Variants in CREG2 observed in about 807,000 individuals in gnomAD.
CREG2 encodes the protein protein CREG2.
Under a neutral mutation model 26.2 loss-of-function variants are expected in CREG2, and 24 were observed. That is an observed-to-expected ratio of 0.92 (90% CI 0.66 to 1.29). CREG2 has a LOEUF of 1.29. Ranked by LOEUF, CREG2 falls within the 50% of genes most tolerant of loss-of-function variation. The probability of loss-of-function intolerance (pLI) is 0.00; values close to 1 mark genes in which losing one functional copy is unlikely to be tolerated. For synonymous variants in CREG2, 174 were observed against 169.2 expected, an observed-to-expected ratio of 1.03 and a Z score of -0.22; for missense variants, 366 against 398.6, an observed-to-expected ratio of 0.92 and a Z score of 0.70.
intron 2 of CREG2, among the ~76,000 whole-genome samples, chr2:101,362,008 G>A (rs1423513244): frequency 6.6e-6 from 1 of 152,170 alleles, no homozygotes; most frequent in East Asian, 1.9e-4. Flanking sequence ...AGGAACCCTA[G>A]TCCATCCCCA....
chr2:101,378,477 A>G (rs1684822607), intron 2 of CREG2, among the ~76,000 whole-genome samples: 1 of 152,016 alleles, frequency 6.6e-6, no homozygotes, highest in Admixed American at 6.6e-5. Flanking sequence ...GTTGGAAGTC[A>G]CTCTTCTACT....
Position 101,348,372 on chromosome 2 carries a change from A to G in CREG2, c.*2551T>C, listed in dbSNP as rs1006411166. On this transcript the variant is annotated 3_prime_UTR_variant, in exon 4 of 4. Coordinates refer to ENST00000324768, the MANE Select transcript of CREG2 (RefSeq NM_153836.4). ...TTTTGATAGGAATTGCATTAAACCTAGAGATGGAGATGGGGAGAACTGATA... is the reference window on the plus strand; with the variant it reads ...TTTTGATAGGAATTGCATTAAACCTGGAGATGGAGATGGGGAGAACTGATA... 6.6e-6 allele frequency: 1 copy of G among 152,234 alleles called. No individual in the cohort carries two copies. The highest frequency in any genetic ancestry group is 1.5e-5 in the Non-Finnish European group (1 of 68,028). The allele number at this position is 152,234 out of a possible 1,614,324, so 9.4% of individuals were successfully genotyped here.
At chr2:101,384,525 G>C (rs566478065) in intron 1 of CREG2, among the ~76,000 whole-genome samples, 20 of 152,198 alleles carry the variant, frequency 1.3e-4, no homozygotes, top group Non-Finnish European at 2.1e-4. Context: ...CCTCCTTGAG[G>C]TACTGAGTGA....
chr2:101,352,047 AAT>A (rs758912585), intron 3 of CREG2, among the ~76,000 whole-genome samples: 195 of 23,762 alleles, frequency 8.2e-3, no homozygotes, highest in African/African-American at 0.026. Context: ...ATTTAAAAAA[AAT>A]TTTTTTTTTT....
At chr2:101,378,131 C>T (rs1019736542) in intron 2 of CREG2, among the ~76,000 whole-genome samples, 2 of 152,202 alleles carry the variant, frequency 1.3e-5, no homozygotes, top group African/African-American at 2.4e-5. Context: ...TCCCCTCTCT[C>T]GCCTGGTCCC....
At chr2:101,361,334 A>G (rs564572904) in intron 2 of CREG2, among the ~76,000 whole-genome samples, 1 of 152,330 alleles carries the variant, frequency 6.6e-6, no homozygotes, top group East Asian at 1.9e-4. Context: ...GTTCCCTTAC[A>G]TGGCAAAGAG....
intron 2 of CREG2, chr2:101,382,833 A>C (rs1684898688): frequency 1.0e-6 from 1 of 985,290 alleles, no homozygotes; most frequent in Non-Finnish European, 1.2e-6. Flanking sequence ...TAAAGGGCTC[A>C]CCCCAGGCCA....
chr2:101,373,006 CA>C (rs1393390146), intron 2 of CREG2, among the ~76,000 whole-genome samples: 1 of 152,116 alleles, frequency 6.6e-6, no homozygotes, highest in Non-Finnish European at 1.5e-5. Context: ...TTGGTGAGGA[CA>C]AAGGGCAATC....
chr2:101,355,889 C>T (rs1684450759), intron 2 of CREG2, among the ~76,000 whole-genome samples: 1 of 152,018 alleles, frequency 6.6e-6, no homozygotes, highest in South Asian at 2.1e-4. Flanking sequence ...TAGTGGTTGC[C>T]GTCAGTGATG....
intron 2 of CREG2, among the ~76,000 whole-genome samples, chr2:101,360,424 G>A (rs1444050449): frequency 6.6e-6 from 1 of 152,150 alleles, no homozygotes; most frequent in Non-Finnish European, 1.5e-5. Context: ...AATATGTGCT[G>A]TGTGGCTCCA....
chr2:101,377,568 C>T (rs12712097), intron 2 of CREG2, among the ~76,000 whole-genome samples: 149,264 of 152,330 alleles, frequency 0.98, 73,296 homozygotes, highest in Middle Eastern at 1. Context: ...TGGCTGAGCA[C>T]AAATTCATTT....
intron 1 of CREG2, among the ~76,000 whole-genome samples, chr2:101,386,232 C>G (rs540212564): frequency 4.6e-5 from 7 of 152,362 alleles, no homozygotes; most frequent in South Asian, 2.1e-4. Context: ...GGGCAAGAAC[C>G]TGGCCAATGT....
chr2:101,369,869 CA>C (rs1227904820), intron 2 of CREG2, among the ~76,000 whole-genome samples: 1 of 152,220 alleles, frequency 6.6e-6, no homozygotes, highest in Non-Finnish European at 1.5e-5. Flanking sequence ...GCCTCTGTTG[CA>C]GTGCAAGCCT....
chr2:101,360,279 CT>C (rs909937295), intron 2 of CREG2, among the ~76,000 whole-genome samples: 3 of 152,172 alleles, frequency 2.0e-5, no homozygotes, highest in African/African-American at 7.2e-5. Context: ...ACTAAACCTC[CT>C]GAAAACCTCT....
chr2:101,382,427 G>GA (rs11312683), intron 2 of CREG2: 99,234 of 761,116 alleles, frequency 0.13, 1,593 homozygotes, highest in African/African-American at 0.19. Context: ...ACTCTATCTC[G>GA]AAAAAAAAAA....
At chr2:101,374,587 A>G (rs1254552925) in intron 2 of CREG2, among the ~76,000 whole-genome samples, 1 of 152,252 alleles carries the variant, frequency 6.6e-6, no homozygotes, top group Non-Finnish European at 1.5e-5. Context: ...TGAAATGCAC[A>G]TTCTGTCTCA....
chr2:101,365,253 G>T (rs1473425698), intron 2 of CREG2, among the ~76,000 whole-genome samples: 1 of 152,210 alleles, frequency 6.6e-6, no homozygotes, highest in Non-Finnish European at 1.5e-5. Flanking sequence ...TCTGCAGAAA[G>T]CACTGTGTTG....
At chr2:101,360,431 T>G (rs974026516) in intron 2 of CREG2, among the ~76,000 whole-genome samples, 26 of 152,018 alleles carry the variant, frequency 1.7e-4, no homozygotes, top group Non-Finnish European at 5.9e-5. Context: ...GCTGTGTGGC[T>G]CCATTAAAAG....
chr2:101,386,161 C>T (rs1422705257), intron 1 of CREG2, among the ~76,000 whole-genome samples: 2 of 152,162 alleles, frequency 1.3e-5, no homozygotes, highest in African/African-American at 2.4e-5. Context: ...ATTTTATAGA[C>T]GAGGAAAGCA....
Sources: gnomAD v4.1 joint callset for allele counts (sites outside exome capture counted in the v4.1 genomes callset) on GRCh38, gnomAD v4.1.1 for gene constraint, MANE v1.5 for transcripts, NCBI Gene and HGNC (gene_info 2026-07-23, HGNC 2026-07-21) for gene names.